The following HSD17B2 variants were observed in gnomAD, a reference collection of about 807,000 sequenced individuals.
The protein encoded by HSD17B2 is 17-beta-hydroxysteroid dehydrogenase type 2.
In HSD17B2, 32 loss-of-function variants were observed where a neutral mutation model predicts 26.9. The observed-to-expected ratio is 1.19, with a 90% CI of 0.90 to 1.60. HSD17B2 has a LOEUF of 1.60. Among genes scored for constraint, HSD17B2 ranks in the 40% most tolerant of loss-of-function variants. The pLI, the probability that HSD17B2 is intolerant of heterozygous loss-of-function variation, is 0.00. For synonymous variants in HSD17B2, 246 were observed against 186.7 expected (o/e 1.32, Z -2.59); for missense variants, 613 against 468.6 (o/e 1.31, Z -2.85).
chr16:82,093,491 A>G (rs1421500616), intron 4 of HSD17B2: 2 of 152,174 alleles, frequency 1.3e-5, no homozygotes, highest in Non-Finnish European at 2.9e-5. Flanking sequence ...ATGATTTTCT[A>G]CTGTTGATGG....
chr16:82,076,630 A>G (rs1474356615), intron 3 of HSD17B2, among the ~76,000 whole-genome samples: 2 of 152,176 alleles, frequency 1.3e-5, no homozygotes, highest in African/African-American at 2.4e-5. Flanking sequence ...GCTGGAGTGC[A>G]GTGGCGTGAT....
chr16:82,062,018 T>C (rs533765331), intron 1 of HSD17B2, among the ~76,000 whole-genome samples: 3 of 152,294 alleles, frequency 2.0e-5, no homozygotes, highest in Admixed American at 2.0e-4. Context: ...CGTGCCCAAT[T>C]TAAGACTTGA....
chr16:82,090,530 G>A (rs147133676), intron 3 of HSD17B2, among the ~76,000 whole-genome samples: 4 of 152,032 alleles, frequency 2.6e-5, no homozygotes, highest in African/African-American at 4.8e-5. Context: ...TGTTGGCCAG[G>A]TTGGTCTCAA....
At chr16:82,058,269 C>T (rs905393834) in intron 1 of HSD17B2, among the ~76,000 whole-genome samples, 1 of 151,766 alleles carries the variant, frequency 6.6e-6, no homozygotes, top group Non-Finnish European at 1.5e-5. Flanking sequence ...CAGGGTCTCC[C>T]TTTGTTACCC....
chr16:82,062,675 G>A (rs73603078), intron 1 of HSD17B2, among the ~76,000 whole-genome samples: 2,471 of 152,320 alleles, frequency 0.016, 51 homozygotes, highest in South Asian at 0.067. Flanking sequence ...GTGATTGAGA[G>A]GATTCAGTGA....
At chr16:82,074,040 T>C (rs1442320122) in intron 3 of HSD17B2, among the ~76,000 whole-genome samples, 1 of 151,926 alleles carries the variant, frequency 6.6e-6, no homozygotes, top group African/African-American at 2.4e-5. Context: ...AACCCAGAAA[T>C]AAAACAATAC....
chr16:82,044,199 T>C (rs1913848857), intron 1 of HSD17B2: 1 of 152,206 alleles, frequency 6.6e-6, no homozygotes, highest in African/African-American at 2.4e-5. Context: ...CAAACCCAGC[T>C]GGAACTAAAT....
At chr16:82,044,235 G>T (rs1913849762) in intron 1 of HSD17B2, 1 of 152,182 alleles carries the variant, frequency 6.6e-6, no homozygotes, top group African/African-American at 2.4e-5. Flanking sequence ...CAGAACAGAT[G>T]CAGGGTTCTT....
chr16:82,091,086 C>A (rs186727318), intron 4 of HSD17B2, 47 bp downstream of exon 4: 2 of 1,587,446 alleles, frequency 1.3e-6, no homozygotes, highest in Non-Finnish European at 1.7e-6. Flanking sequence ...CTGGAAGGAA[C>A]CCCGAAGGTC....
Position 82,087,163 on chromosome 16 carries a change from T to C in HSD17B2, c.665-3739T>C, listed in dbSNP as rs1238320086. Reference sequence around the variant, plus strand: ...TCTTAAGTTACCTAATGTTAGGTTATTCAAAGTGTCTGAGTAATGCAAGAG... The same window carrying C: ...TCTTAAGTTACCTAATGTTAGGTTACTCAAAGTGTCTGAGTAATGCAAGAG... On this transcript the variant is annotated intron_variant, in intron 3 of 4. Transcript: ENST00000199936. Among the ~76,000 whole-genome samples the C allele has an allele frequency of 4.6e-5, 7 of 152,224 alleles. No homozygotes were observed. In the East Asian group the frequency reaches 1.3e-3, roughly 29 times the overall value.
At chr16:82,059,288 A>T (rs1435221311) in intron 1 of HSD17B2, among the ~76,000 whole-genome samples, 4 of 152,218 alleles carry the variant, frequency 2.6e-5, no homozygotes, top group Non-Finnish European at 1.5e-5. Context: ...AGATGTTGAG[A>T]AGCATCCCTG....
At chr16:82,079,313 G>T (rs1244074195) in intron 3 of HSD17B2, among the ~76,000 whole-genome samples, 1 of 152,182 alleles carries the variant, frequency 6.6e-6, no homozygotes, top group Admixed American at 6.5e-5. Flanking sequence ...AGTTGTGGAG[G>T]CTGGAAGTCG....
intron 3 of HSD17B2, among the ~76,000 whole-genome samples, chr16:82,085,104 G>T (rs72547420): frequency 6.6e-6 from 1 of 152,178 alleles, no homozygotes; most frequent in African/African-American, 2.4e-5. Context: ...CAAATTAAAA[G>T]ATCTAGAAGA....
chr16:82,079,623 A>G (rs573109587), intron 3 of HSD17B2, among the ~76,000 whole-genome samples: 3 of 152,224 alleles, frequency 2.0e-5, no homozygotes, highest in African/African-American at 4.8e-5. Context: ...AATTCAGTCC[A>G]TAACACTGTA....
chr16:82,046,694 A>G (rs1913940550), intron 1 of HSD17B2, among the ~76,000 whole-genome samples: 1 of 152,094 alleles, frequency 6.6e-6, no homozygotes, highest in African/African-American at 2.4e-5. Context: ...AAAAAAAATC[A>G]TGAAAATCTT....
At chr16:82,086,083 A>T (rs1321692514) in intron 3 of HSD17B2, among the ~76,000 whole-genome samples, 1 of 152,200 alleles carries the variant, frequency 6.6e-6, no homozygotes, top group African/African-American at 2.4e-5. Context: ...CCAGTAAGTT[A>T]AACTTAGAAT....
At chr16:82,077,735 G>C (rs139983332) in intron 3 of HSD17B2, among the ~76,000 whole-genome samples, 1 of 142,550 alleles carries the variant, frequency 7.0e-6, no homozygotes, top group African/African-American at 2.6e-5. Flanking sequence ...TGTTTCAAAA[G>C]AAAGAAAGAA....
Position 82,098,445 on chromosome 16 carries a change from A to G in HSD17B2, c.*9A>G, listed in dbSNP as rs1304760060. The G allele has an allele frequency of 6.3e-7, 1 of 1,581,324 alleles. No individual in the cohort carries two copies. Among genetic ancestry groups the G allele is most frequent in the Non-Finnish European group, 8.6e-7 (1 of 1,165,488 alleles). On this transcript the variant is annotated 3_prime_UTR_variant, in exon 5 of 5. Coordinates refer to ENST00000199936, the MANE Select transcript of HSD17B2 (RefSeq NM_002153.3). Reference sequence around the variant, plus strand: ...AGAAAAAGGCCACCTAGGCAATGGAAGCCCTCAAAGAAGTCGGAATGTCAT... The same window carrying G: ...AGAAAAAGGCCACCTAGGCAATGGAGGCCCTCAAAGAAGTCGGAATGTCAT...
intron 1 of HSD17B2, among the ~76,000 whole-genome samples, chr16:82,064,798 C>A (rs1914532690): frequency 6.6e-6 from 1 of 152,210 alleles, no homozygotes; most frequent in African/African-American, 2.4e-5. Flanking sequence ...AACATCTGAC[C>A]TCAGACTCTG....
Sources: allele counts gnomAD v4.1 joint callset (sites outside exome capture counted in the v4.1 genomes callset), GRCh38; gene constraint gnomAD v4.1.1; transcripts MANE v1.5; gene names NCBI Gene and HGNC (gene_info 2026-07-23, HGNC 2026-07-21).